PKP4: variants seen among roughly 807,000 people sequenced by gnomAD.
PKP4 encodes the protein plakophilin 4, also known as plakophilin-4.
In PKP4, 90 loss-of-function variants were observed where a neutral mutation model predicts 145.1. The observed-to-expected ratio is 0.62, with a 90% CI of 0.52 to 0.74. The LOEUF is 0.74. PKP4 is among the 30% of genes least tolerant of loss of function. PKP4 has a pLI of 0.00. For missense variants in PKP4, 1,340 were observed against 1,482.7 expected (o/e 0.90, Z 1.58); for synonymous variants, 563 against 577.2 (o/e 0.98, Z 0.35).
intron 11 of PKP4, among the ~76,000 whole-genome samples, chr2:158,643,481 C>T (rs1201242337): frequency 6.6e-6 from 1 of 152,032 alleles, no homozygotes; most frequent in Non-Finnish European, 1.5e-5. Context: ...GAGACCGAGG[C>T]AAGAGGGTCA....
intron 1 of PKP4, among the ~76,000 whole-genome samples, chr2:158,517,370 C>A (rs766184521): frequency 2.6e-5 from 4 of 152,142 alleles, no homozygotes; most frequent in Non-Finnish European, 4.4e-5. Context: ...AGAATAGTGT[C>A]TTCATTTATG....
chr2:158,608,462 C>T lies in PKP4; in HGVS notation c.280+5358C>T, dbSNP rs1395934573. Among the ~76,000 whole-genome samples the T allele has an allele frequency of 3.9e-5, 6 of 152,164 alleles. No homozygotes were observed. The South Asian group carries it at 6.2e-4, about 16-fold the overall frequency. On this transcript the variant is annotated intron_variant, in intron 4 of 21. Coordinates refer to ENST00000389759, the MANE Select transcript of PKP4 (RefSeq NM_003628.6). Reference sequence around the variant, plus strand: ...ACTAATTCAGTGGCTAATCTCCCCTCGCCACAGGTGTGTCCATAATTCACA... The same window carrying T: ...ACTAATTCAGTGGCTAATCTCCCCTTGCCACAGGTGTGTCCATAATTCACA...
chr2:158,658,291 G>GC lies in PKP4; in HGVS notation c.2071dup (p.Arg691ProfsTer2), dbSNP rs1558965779. On this transcript the variant is annotated frameshift_variant, in exon 12 of 22. Transcript: ENST00000389759. LOFTEE classifies it high-confidence loss of function. ...TTAAATTTCAGACTTCACTAGTTCT[G>GC]CGTAACACGACAGGTTGCCTAAGGT... The GC allele has an allele frequency of 6.2e-7, 1 of 1,601,272 alleles. No homozygotes were observed. The highest frequency in any genetic ancestry group is 8.5e-7 in the Non-Finnish European group (1 of 1,172,614).
intron 4 of PKP4, among the ~76,000 whole-genome samples, chr2:158,606,382 G>T (rs10206833): frequency 6.6e-6 from 1 of 151,888 alleles, no homozygotes; most frequent in Non-Finnish European, 1.5e-5. Flanking sequence ...ATTTCTCCAC[G>T]TCCTCTCAAA....
chr2:158,653,844 T>C (rs895551162), intron 11 of PKP4, among the ~76,000 whole-genome samples: 1 of 152,226 alleles, frequency 6.6e-6, no homozygotes, highest in Non-Finnish European at 1.5e-5. Context: ...TCAGTCTTAC[T>C]ACATCTGGGA....
chr2:158,526,171 G>C (rs1203230976), intron 1 of PKP4, among the ~76,000 whole-genome samples: 1 of 133,932 alleles, frequency 7.5e-6, no homozygotes, highest in Non-Finnish European at 1.6e-5. Context: ...GCCGGGCAGA[G>C]ACACAACCAA....
intron 6 of PKP4, 78 bp from the exon 7 acceptor site, chr2:158,624,800 A>G (rs924621255): frequency 3.7e-6 from 4 of 1,072,898 alleles, no homozygotes; most frequent in South Asian, 3.3e-5. Context: ...GTAGTGAGCT[A>G]TGTGTATTTC....
At chr2:158,517,160 A>G (rs1323432691) in intron 1 of PKP4, among the ~76,000 whole-genome samples, 1 of 152,198 alleles carries the variant, frequency 6.6e-6, no homozygotes, top group South Asian at 2.1e-4. Context: ...ACTAATGATG[A>G]AAACAAATCT....
intron 9 of PKP4, among the ~76,000 whole-genome samples, chr2:158,640,325 A>G (rs2054167630): frequency 3.9e-5 from 6 of 152,244 alleles, no homozygotes; most frequent in Admixed American, 3.9e-4. Flanking sequence ...AGGTAGAAAG[A>G]CATAAAATTA....
At chr2:158,574,552 C>T (rs2047682064) in intron 2 of PKP4, among the ~76,000 whole-genome samples, 1 of 152,192 alleles carries the variant, frequency 6.6e-6, no homozygotes, top group Non-Finnish European at 1.5e-5. Context: ...ATATCCCACT[C>T]ATACATCTTG....
intron 2 of PKP4, among the ~76,000 whole-genome samples, chr2:158,561,573 G>T (rs995566197): frequency 6.6e-6 from 1 of 152,172 alleles, no homozygotes; most frequent in Non-Finnish European, 1.5e-5. Context: ...CCTTCAGCTT[G>T]AATGTTTTAA....
intron 1 of PKP4, among the ~76,000 whole-genome samples, chr2:158,496,042 G>A (rs886261558): frequency 5.9e-5 from 9 of 151,690 alleles, no homozygotes; most frequent in Non-Finnish European, 8.8e-5. Context: ...ATGTAGTGGC[G>A]CAATCTCAGC....
intron 3 of PKP4, among the ~76,000 whole-genome samples, chr2:158,588,607 T>C (rs1055121594): frequency 1.3e-5 from 2 of 152,158 alleles, no homozygotes; most frequent in African/African-American, 4.8e-5. Context: ...TCCTAGTACA[T>C]TGTAGAACAA....
intron 19 of PKP4, among the ~76,000 whole-genome samples, chr2:158,674,475 C>T (rs750947587): frequency 2.6e-5 from 4 of 152,214 alleles, no homozygotes; most frequent in Non-Finnish European, 5.9e-5. Context: ...TTAAGGTCTT[C>T]AGATCCGCAA....
chr2:158,555,592 A>C, intron 2 of PKP4, among the ~76,000 whole-genome samples: 1 of 152,200 alleles, frequency 6.6e-6, no homozygotes. Flanking sequence ...ATTTATACCC[A>C]AGTGTGGGAA....
intron 8 of PKP4, among the ~76,000 whole-genome samples, chr2:158,633,384 TAGTC>T (rs1281811387): frequency 6.6e-6 from 1 of 152,246 alleles, no homozygotes; most frequent in Non-Finnish European, 1.5e-5. Flanking sequence ...GTAAATCTAA[TAGTC>T]AAGACAGCTG....
At chr2:158,480,714 A>G (rs1209305841) in intron 1 of PKP4, among the ~76,000 whole-genome samples, 1 of 152,224 alleles carries the variant, frequency 6.6e-6, no homozygotes, top group Non-Finnish European at 1.5e-5. Flanking sequence ...ATTACAATTG[A>G]GATGTATTCT....
At chr2:158,582,618 A>G (rs1342864910) in intron 3 of PKP4, among the ~76,000 whole-genome samples, 2 of 152,190 alleles carry the variant, frequency 1.3e-5, no homozygotes, top group Non-Finnish European at 2.9e-5. Flanking sequence ...AAGATCCACC[A>G]TTCCTGGGGC....
intron 4 of PKP4, among the ~76,000 whole-genome samples, chr2:158,615,381 T>A (rs2051505243): frequency 6.6e-6 from 1 of 152,144 alleles, no homozygotes; most frequent in Non-Finnish European, 1.5e-5. Context: ...CCTGTTAAAC[T>A]CAGTATTGGG....
Sources: allele counts gnomAD v4.1 joint callset (sites outside exome capture counted in the v4.1 genomes callset), GRCh38; gene constraint gnomAD v4.1.1; transcripts MANE v1.5; gene names NCBI Gene and HGNC (gene_info 2026-07-23, HGNC 2026-07-21).